The following DEFB119 variants were observed in gnomAD, a reference collection of about 807,000 sequenced individuals.
The protein encoded by DEFB119 is defensin beta 119, also known as beta-defensin 119.
In DEFB119, 3 loss-of-function variants were observed where a neutral mutation model predicts 2.5. The ratio of observed to expected loss-of-function variants is 1.19; its 90% CI spans 0.54 to 3.07. DEFB119 has a LOEUF of 3.07. DEFB119 is among the 30% of genes most tolerant of loss of function. The pLI, the probability that DEFB119 is intolerant of heterozygous loss-of-function variation, is 0.03. For synonymous variants in DEFB119, 29 were observed against 33.7 expected, an observed-to-expected ratio of 0.86 and a Z score of 0.48; for missense variants, 113 against 101.1, an observed-to-expected ratio of 1.12 and a Z score of -0.50.
chr20:31,383,533 TAAAAA>T (rs34549958), intron 1 of DEFB119, among the ~76,000 whole-genome samples: 1 of 55,414 alleles, frequency 1.8e-5, no homozygotes, highest in Non-Finnish European at 4.3e-5. Context: ...GACTCTGTCT[TAAAAA>T]AAAAAAAAAA....
intron 1 of DEFB119, among the ~76,000 whole-genome samples, chr20:31,384,881 C>T (rs544631932): frequency 6.6e-6 from 1 of 152,140 alleles, no homozygotes; most frequent in African/African-American, 2.4e-5. Flanking sequence ...TGTTTTCAAC[C>T]TAACCTGAGT....
chr20:31,388,203 A>G, intron 1 of DEFB119: 1 of 984,316 alleles, frequency 1.0e-6, no homozygotes, highest in Non-Finnish European at 1.2e-6. Context: ...TACCAATTCA[A>G]ATGAGACAGG....
intron 1 of DEFB119, among the ~76,000 whole-genome samples, chr20:31,384,349 C>T (rs892089189): frequency 3.3e-5 from 5 of 151,710 alleles, no homozygotes; most frequent in African/African-American, 1.2e-4. Context: ...TCCCATTTAC[C>T]CTGATGTGAT....
chr20:31,380,296 T>C (rs1985545189), intron 1 of DEFB119, among the ~76,000 whole-genome samples: 1 of 152,088 alleles, frequency 6.6e-6, no homozygotes, highest in South Asian at 2.1e-4. Context: ...GACGGGGTCT[T>C]GCTATCTTGC....
At chr20:31,379,953 C>T (rs1051687976) in intron 1 of DEFB119, among the ~76,000 whole-genome samples, 1 of 152,208 alleles carries the variant, frequency 6.6e-6, no homozygotes, top group African/African-American at 2.4e-5. Context: ...GCGTGAGCCA[C>T]CATGCCCGGC....
Position 31,377,424 on chromosome 20 carries a change from A to AG in DEFB119, c.76dup (p.Leu26ProfsTer6). ...AATTCCACTGTTACCCATGCATCGA[A>AG]GGATGTGGCGTTTGCCTGCCAAAGG... is the stretch of plus-strand genomic sequence containing the variant. On this transcript the variant is annotated frameshift_variant, in exon 2 of 2. Transcript: ENST00000376321. LOFTEE classifies it low-confidence loss of function (END_TRUNC). 1 of 1,612,834 alleles carries AG rather than the reference A, an allele frequency of 6.2e-7. No individual in the cohort carries two copies. The highest frequency in any genetic ancestry group is 8.5e-7 in the Non-Finnish European group (1 of 1,179,490).
chr20:31,386,439 C>T (rs1482850736), intron 1 of DEFB119, among the ~76,000 whole-genome samples: 1 of 151,900 alleles, frequency 6.6e-6, no homozygotes, highest in Non-Finnish European at 1.5e-5. Flanking sequence ...AACAGATGAA[C>T]GGATAAAGAA....
chr20:31,386,664 G>A (rs1348216495), intron 1 of DEFB119, among the ~76,000 whole-genome samples: 2 of 152,162 alleles, frequency 1.3e-5, no homozygotes, highest in Non-Finnish European at 2.9e-5. Context: ...GGAAGGGTAA[G>A]TGGGAAGGGA....
At chr20:31,386,455 G>C (rs987796281) in intron 1 of DEFB119, among the ~76,000 whole-genome samples, 1 of 152,148 alleles carries the variant, frequency 6.6e-6, no homozygotes, top group Non-Finnish European at 1.5e-5. Flanking sequence ...AAGAAAGTTT[G>C]CATAAACACA....
intron 1 of DEFB119, 69 bp downstream of exon 1, chr20:31,390,342 ATGATGCCCACAG>A: frequency 7.6e-7 from 1 of 1,322,558 alleles, no homozygotes; most frequent in Non-Finnish European, 1.1e-6. Context: ...AAGGCTTCAG[ATGATGCCCACAG>A]TGAGAGGGAA....
At chr20:31,385,926 G>T (rs1201891317) in intron 1 of DEFB119, among the ~76,000 whole-genome samples, 1 of 152,096 alleles carries the variant, frequency 6.6e-6, no homozygotes, top group African/African-American at 2.4e-5. Context: ...ACTTTCATGG[G>T]TGGGAGCATC....
intron 1 of DEFB119, among the ~76,000 whole-genome samples, 160 bp from the exon 2 acceptor site, chr20:31,377,599 C>T (rs749556958): frequency 6.6e-6 from 1 of 152,070 alleles, no homozygotes; most frequent in Non-Finnish European, 1.5e-5. Context: ...ATGTCTTTTT[C>T]TCTATTTGTC....
chr20:31,384,806 A>T (rs1182538693), intron 1 of DEFB119, among the ~76,000 whole-genome samples: 1 of 152,200 alleles, frequency 6.6e-6, no homozygotes, highest in African/African-American at 2.4e-5. Flanking sequence ...CAGTTTTTCC[A>T]CTGTTTCCAT....
At chr20:31,390,400 C>T (rs375082848) in intron 1 of DEFB119, 23 bp downstream of exon 1, 48 of 1,607,666 alleles carry the variant, frequency 3.0e-5, no homozygotes, top group Non-Finnish European at 3.9e-5. Flanking sequence ...GGAACCCAGA[C>T]CCCCGAGAGA....
intron 1 of DEFB119, among the ~76,000 whole-genome samples, chr20:31,385,659 G>A (rs2122306586): frequency 6.6e-6 from 1 of 152,262 alleles, no homozygotes; most frequent in East Asian, 1.9e-4. Context: ...TGGAGCCCAG[G>A]AGTTTGAGAG....
chr20:31,388,392 A>C, intron 1 of DEFB119: 1 of 887,266 alleles, frequency 1.1e-6, no homozygotes, highest in Non-Finnish European at 1.4e-6. Context: ...TCTAATTTAC[A>C]GAGGAGGAAG....
At chr20:31,381,104 A>C (rs927964886) in intron 1 of DEFB119, among the ~76,000 whole-genome samples, 1 of 152,172 alleles carries the variant, frequency 6.6e-6, no homozygotes, top group Non-Finnish European at 1.5e-5. Flanking sequence ...AATATTCTAT[A>C]GTTTTCAGCA....
intron 1 of DEFB119, among the ~76,000 whole-genome samples, chr20:31,378,569 G>A (rs1986389855): frequency 6.6e-6 from 1 of 152,206 alleles, no homozygotes; most frequent in African/African-American, 2.4e-5. Flanking sequence ...AACCCAAGTT[G>A]TGTGTATCTA....
chr20:31,390,575 C>A lies in DEFB119; in HGVS notation c.-92G>T. The A allele has an allele frequency of 7.9e-7, 1 of 1,270,556 alleles. No homozygotes were observed. Among genetic ancestry groups the A allele is most frequent in the South Asian group, 1.2e-5 (1 of 80,856 alleles). The allele number at this position is 1,270,556 out of a possible 1,614,324, so 78.7% of individuals were successfully genotyped here. A position where few individuals can be genotyped will look rare whatever the true frequency, so the allele number is the denominator to read the frequency against. On this transcript the variant is annotated 5_prime_UTR_variant, in exon 1 of 2. Transcript: ENST00000376321. ...CGGCAGAGATGAGCTTTGCTTTTAT[C>A]AGCAGGGCTGTGGGCAGTGAATTAG...
Sources: allele counts gnomAD v4.1 joint callset (sites outside exome capture counted in the v4.1 genomes callset), GRCh38; gene constraint gnomAD v4.1.1; transcripts MANE v1.5; gene names NCBI Gene and HGNC (gene_info 2026-07-23, HGNC 2026-07-21).